The following ASS1 variants were observed in gnomAD, a reference collection of about 807,000 sequenced individuals.
The protein encoded by ASS1 is argininosuccinate synthase.
In ASS1, 58 loss-of-function variants were observed where a neutral mutation model predicts 60.5. That is an observed-to-expected ratio of 0.96 (90% CI 0.78 to 1.19). The LOEUF is 1.19. Among genes scored for constraint, ASS1 ranks in the 50% most tolerant of loss-of-function variants. ASS1 has a pLI of 0.00. For synonymous variants in ASS1, 200 were observed against 206.9 expected (o/e 0.97, Z 0.29); for missense variants, 454 against 547.3 (o/e 0.83, Z 1.70).
At chr9:130,458,267 T>A (rs565532465) in intron 3 of ASS1, 134 bp from the exon 4 acceptor site, 1 of 926,990 alleles carries the variant, frequency 1.1e-6, no homozygotes, top group South Asian at 1.3e-5. Context: ...CTACTACAGA[T>A]GCAGAAGAAG....
intron 3 of ASS1, among the ~76,000 whole-genome samples, chr9:130,457,885 G>A (rs190967784): frequency 1.3e-4 from 20 of 152,246 alleles, no homozygotes; most frequent in Admixed American, 3.9e-4. Context: ...CAGGCTGGCC[G>A]CGGTGGCTTG....
rs573760980 is a variant in ASS1, at chr9:130,489,522, T to C, written c.970+58T>C. ...CGCCTCACAAGGGATCCCAAAGTAC[T>C]ATCAGGCTCTCGGGCCTGGCCCTCC... On this transcript the variant is annotated intron_variant, in intron 12 of 14. Coordinates refer to ENST00000352480, the MANE Select transcript of ASS1 (RefSeq NM_054012.4). The surrounding 1 kb of genome is among the most constrained non-coding windows in gnomAD (Gnocchi z 4.1). The C allele has an allele frequency of 9.0e-5, 145 of 1,611,952 alleles. No homozygotes were observed. The African/African-American group carries it at 1.6e-3, about 17-fold the overall frequency.
At chr9:130,468,432 G>C (rs1845795952) in intron 6 of ASS1, among the ~76,000 whole-genome samples, 1 of 152,004 alleles carries the variant, frequency 6.6e-6, no homozygotes, top group South Asian at 2.1e-4. Context: ...TTTTTTTAGA[G>C]ACAGTGTCTC....
At chr9:130,497,646 C>T (rs1419232439) in intron 13 of ASS1, among the ~76,000 whole-genome samples, 1 of 152,218 alleles carries the variant, frequency 6.6e-6, no homozygotes, top group Admixed American at 6.5e-5. Flanking sequence ...TGTGGGCCCT[C>T]TTTGCAGGGG....
rs887854252 is a variant in ASS1, at chr9:130,491,450, C to T, written c.970+1986C>T. 2.6e-5 allele frequency among the ~76,000 whole-genome samples: 4 copies of T among 152,150 alleles called. No homozygotes were observed. Among genetic ancestry groups the T allele is most frequent in the South Asian group, 2.1e-4 (1 of 4,828 alleles). The stretch of plus-strand genomic sequence containing the variant: ...ATGGGGTATTATCTAATATTAGCTG[C>T]GCAGAGGTGAGGAAACGGAGGCCCC... On this transcript the variant is annotated intron_variant, in intron 12 of 14. Transcript: ENST00000352480. The surrounding 1 kb of genome is among the most constrained non-coding windows in gnomAD (Gnocchi z 5.3).
At chr9:130,481,771 C>T (rs774411228) in intron 11 of ASS1, among the ~76,000 whole-genome samples, 59 of 152,110 alleles carry the variant, frequency 3.9e-4, no homozygotes, top group Admixed American at 5.9e-4. Context: ...GACATGGGAG[C>T]GCGGAAGGGG....
intron 1 of ASS1, among the ~76,000 whole-genome samples, chr9:130,449,801 C>T (rs538099823): frequency 1.3e-5 from 2 of 152,142 alleles, no homozygotes; most frequent in Admixed American, 6.5e-5. Flanking sequence ...GTTGATGTCA[C>T]GGGCGCATCC....
chr9:130,481,752 G>A (rs1189024756), intron 11 of ASS1, among the ~76,000 whole-genome samples: 1 of 152,206 alleles, frequency 6.6e-6, no homozygotes, highest in Non-Finnish European at 1.5e-5. Flanking sequence ...GGACGGGCTT[G>A]CCTCGAAAGA....
chr9:130,474,904 C>G (rs1209526865), intron 8 of ASS1, among the ~76,000 whole-genome samples: 1 of 152,192 alleles, frequency 6.6e-6, no homozygotes, highest in East Asian at 1.9e-4. Flanking sequence ...AGGGCCCCTC[C>G]TACCTCCTGG....
rs755977657 is a variant in ASS1, at chr9:130,452,350, G to A, written c.105+17G>A. 5 of 1,606,420 alleles carry A rather than the reference G, an allele frequency of 3.1e-6. No homozygotes were observed. The South Asian group carries it at 3.3e-5, about 11-fold the overall frequency. On this transcript the variant is annotated intron_variant, in intron 2 of 14. Coordinates refer to ENST00000352480, the MANE Select transcript of ASS1 (RefSeq NM_054012.4). ...GCCTATCTGGTGAGGGAGCGACCTG[G>A]GTGTCTGTCTTCCTGCGTGTCCTGC...
rs180901881 is a variant in ASS1 at position 130,494,501 on chromosome 9, T to G, written c.971-366T>G. ...GAGGTCTTCTGCCTCCCCCGGAGAT[T>G]AGAGCCTCCATTGGGCCAGGGATGG... On this transcript the variant is annotated intron_variant, in intron 12 of 14. Transcript: ENST00000352480. The surrounding 1 kb of genome is among the most constrained non-coding windows in gnomAD (Gnocchi z 4.3). 5.5e-3 allele frequency among the ~76,000 whole-genome samples: 837 copies of G among 152,338 alleles called. 2 individuals carry two copies. The highest frequency in any genetic ancestry group is 7.8e-3 in the Non-Finnish European group (528 of 68,022).
Position 130,477,635 on chromosome 9 carries a change from G to C in ASS1, c.688+674G>C, listed in dbSNP as rs549134066. 5.9e-4 allele frequency among the ~76,000 whole-genome samples: 90 copies of C among 152,374 alleles called. No individual in the cohort carries two copies. Among genetic ancestry groups the C allele is most frequent in the Non-Finnish European group, 1.0e-3 (71 of 68,034 alleles). On this transcript the variant is annotated intron_variant, in intron 9 of 14. Transcript: ENST00000352480. This position sits in a 1 kb window ranked among gnomAD's most constrained non-coding sequence, Gnocchi z 4.2. ...GGGAGAGGGCATCTCTTGGCCTGGAGGAAGGATGGAGAAGCGAGGCATGCC... is the reference window on the plus strand; with the variant it reads ...GGGAGAGGGCATCTCTTGGCCTGGACGAAGGATGGAGAAGCGAGGCATGCC...
At chr9:130,471,643 G>C (rs544350156) in intron 8 of ASS1, 128 bp downstream of exon 8, 5 of 1,162,792 alleles carry the variant, frequency 4.3e-6, no homozygotes, top group Non-Finnish European at 6.3e-6. Context: ...GGCTGGGGCC[G>C]AGCCCTGCCT....
chr9:130,451,395 C>A (rs1189763153), intron 1 of ASS1, among the ~76,000 whole-genome samples: 1 of 152,100 alleles, frequency 6.6e-6, no homozygotes, highest in Non-Finnish European at 1.5e-5. Flanking sequence ...GCCTTCCCTC[C>A]CTGGGCCTCA....
rs376527446 is a variant in ASS1 at position 130,459,853 on chromosome 9, G to A, written c.363+1264G>A. On this transcript the variant is annotated intron_variant, in intron 4 of 14. Coordinates refer to ENST00000352480, the MANE Select transcript of ASS1 (RefSeq NM_054012.4). The surrounding 1 kb of genome is among the most constrained non-coding windows in gnomAD (Gnocchi z 4.6). The stretch of plus-strand genomic sequence containing the variant: ...AACCCATCCCGTACCCCTTCCCTCC[G>A]GGCCGTGTGTCCCAGTGCAGACTGC... 6.0e-4 allele frequency among the ~76,000 whole-genome samples: 91 copies of A among 152,308 alleles called. 1 individual carries two copies. The East Asian group carries it at 0.012, about 20-fold the overall frequency.
intron 6 of ASS1, among the ~76,000 whole-genome samples, chr9:130,468,925 G>C (rs144799345): frequency 6.6e-6 from 1 of 152,138 alleles, no homozygotes; most frequent in African/African-American, 2.4e-5. Context: ...GAGGCACCTC[G>C]GGACCGAGAG....
chr9:130,457,919 G>A (rs1338630994), intron 3 of ASS1, among the ~76,000 whole-genome samples: 1 of 152,188 alleles, frequency 6.6e-6, no homozygotes, highest in Non-Finnish European at 1.5e-5. Flanking sequence ...AGCACTTTGG[G>A]AGGCCGAGGC....
intron 14 of ASS1, among the ~76,000 whole-genome samples, chr9:130,500,035 A>G (rs903344057): frequency 1.3e-5 from 2 of 152,104 alleles, no homozygotes; most frequent in Non-Finnish European, 2.9e-5. Context: ...AGTCACTCAG[A>G]CCTTTGATCC....
At position 130,489,242 on chromosome 9, in the gene ASS1, A is replaced by T. The variant is rs544852414; in HGVS notation, c.839-91A>T. 2.7e-4 allele frequency: 329 copies of T among 1,228,414 alleles called. 1 individual carries two copies. The highest frequency in any genetic ancestry group is 8.5e-4 in the Middle Eastern group (3 of 3,510). The allele number at this position is 1,228,414 out of a possible 1,614,324, so 76.1% of individuals were successfully genotyped here. A position where few individuals can be genotyped will look rare whatever the true frequency, so the allele number is the denominator to read the frequency against. On this transcript the variant is annotated intron_variant, in intron 11 of 14. Coordinates refer to ENST00000352480, the MANE Select transcript of ASS1 (RefSeq NM_054012.4). This position sits in a 1 kb window ranked among gnomAD's most constrained non-coding sequence, Gnocchi z 4.1. ...TCCTGTCAGACGACTCATTATTATT[A>T]TTATTTTTTTTTTTGTCATTTGCTG... is the stretch of plus-strand genomic sequence containing the variant.
Sources: gnomAD v4.1 joint callset for allele counts (sites outside exome capture counted in the v4.1 genomes callset) on GRCh38, gnomAD v4.1.1 for gene constraint, Gnocchi (gnomAD v3.1) non-coding constraint, MANE v1.5 for transcripts, NCBI Gene and HGNC (gene_info 2026-07-23, HGNC 2026-07-21) for gene names.